Variants in CCDC170 observed in about 807,000 individuals in gnomAD.
The protein encoded by CCDC170 is coiled-coil domain-containing protein 170.
A neutral mutation model predicts 72.6 loss-of-function variants in CCDC170; 69 were observed. The observed-to-expected ratio is 0.95, with a 90% CI of 0.78 to 1.16. The LOEUF (loss-of-function observed/expected upper bound fraction) is 1.16. Ranked by LOEUF, CCDC170 falls within the 50% of genes most tolerant of loss-of-function variation. CCDC170 has a pLI of 0.00. For synonymous variants in CCDC170, 300 were observed against 303.9 expected (o/e 0.99, Z 0.13); for missense variants, 852 against 832.5 (o/e 1.02, Z -0.29).
chr6:151,532,856 A>G (rs1252219602), intron 1 of CCDC170, among the ~76,000 whole-genome samples: 1 of 152,118 alleles, frequency 6.6e-6, no homozygotes, highest in African/African-American at 2.4e-5. Flanking sequence ...CAGATACAAA[A>G]TATATTAATG....
intron 6 of CCDC170, among the ~76,000 whole-genome samples, chr6:151,583,063 G>C (rs902430423): frequency 7.4e-6 from 1 of 134,708 alleles, no homozygotes; most frequent in Non-Finnish European, 1.5e-5. Flanking sequence ...CGCAATCTCA[G>C]CTCACTGCAA....
At chr6:151,573,071 T>C in intron 5 of CCDC170, 103 bp from the exon 6 acceptor site, 1 of 1,025,732 alleles carries the variant, frequency 9.7e-7, no homozygotes, top group Non-Finnish European at 1.5e-6. Flanking sequence ...ACCCAACCCC[T>C]TGTAGTCATT....
At chr6:151,562,323 T>C (rs1273404643) in intron 5 of CCDC170, among the ~76,000 whole-genome samples, 1 of 152,216 alleles carries the variant, frequency 6.6e-6, no homozygotes, top group African/African-American at 2.4e-5. Context: ...TTGCACTGAG[T>C]CCTTCTCAGG....
In CCDC170 at chr6:151,494,065, C is replaced by T; in HGVS notation, c.-64C>T. 1.4e-6 allele frequency: 2 copies of T among 1,417,620 alleles called. No individual in the cohort carries two copies. Among genetic ancestry groups the T allele is most frequent in the Non-Finnish European group, 1.8e-6 (2 of 1,087,668 alleles). The allele number at this position is 1,417,620 out of a possible 1,614,324, so 87.8% of individuals were successfully genotyped here. On this transcript the variant is annotated 5_prime_UTR_variant, in exon 1 of 11. Coordinates refer to ENST00000239374, the MANE Select transcript of CCDC170 (RefSeq NM_025059.4). ...GAGACACCCGCGCCACCCGCCGGCT[C>T]CCGGCGCCGCCGCTTCCTCAGGGCC...
intron 3 of CCDC170, 132 bp downstream of exon 3, chr6:151,538,433 T>C: frequency 2.2e-6 from 2 of 889,974 alleles, no homozygotes; most frequent in Non-Finnish European, 3.4e-6. Flanking sequence ...AAAAAGTTAT[T>C]GACCTCAAAT....
Position 151,586,107 on chromosome 6 carries a change from T to C in CCDC170, c.1293+18T>C. ...AACAAAAAGTAATGACCCGAGGGCATGTCCATGAGTGGAAGCATCTGTTGT... is the reference window on the plus strand; with the variant it reads ...AACAAAAAGTAATGACCCGAGGGCACGTCCATGAGTGGAAGCATCTGTTGT... On this transcript the variant is annotated intron_variant, in intron 7 of 10. Transcript: ENST00000239374. 1 of 1,610,594 alleles carries C rather than the reference T, an allele frequency of 6.2e-7. No individual in the cohort carries two copies. Among genetic ancestry groups the C allele is most frequent in the South Asian group, 1.1e-5 (1 of 90,726 alleles).
At chr6:151,544,104 G>C (rs1198109982) in intron 3 of CCDC170, among the ~76,000 whole-genome samples, 2 of 152,108 alleles carry the variant, frequency 1.3e-5, no homozygotes. Context: ...GTTATGCCTG[G>C]CCATGAACCA....
At chr6:151,603,897 C>T (rs191851678) in intron 9 of CCDC170, among the ~76,000 whole-genome samples, 1 of 152,224 alleles carries the variant, frequency 6.6e-6, no homozygotes, top group African/African-American at 2.4e-5. Context: ...TAACTTAGTC[C>T]CTGGACCTCA....
intron 1 of CCDC170, among the ~76,000 whole-genome samples, chr6:151,520,055 C>A (rs1782295090): frequency 6.6e-6 from 1 of 152,228 alleles, no homozygotes; most frequent in Non-Finnish European, 1.5e-5. Context: ...GTCTCAGCCT[C>A]ATTTTACCCA....
At chr6:151,568,778 C>G (rs1259140194) in intron 5 of CCDC170, among the ~76,000 whole-genome samples, 2 of 152,166 alleles carry the variant, frequency 1.3e-5, no homozygotes, top group Non-Finnish European at 2.9e-5. Context: ...CATTTCATTT[C>G]AAGACTACAT....
At chr6:151,564,085 T>C (rs1002724582) in intron 5 of CCDC170, among the ~76,000 whole-genome samples, 1 of 152,262 alleles carries the variant, frequency 6.6e-6, no homozygotes, top group South Asian at 2.1e-4. Context: ...CTTTTGCACG[T>C]TTCTTGTGTC....
At chr6:151,573,660 G>C (rs1776262141) in intron 6 of CCDC170, among the ~76,000 whole-genome samples, 169 bp downstream of exon 6, 1 of 152,150 alleles carries the variant, frequency 6.6e-6, no homozygotes, top group South Asian at 2.1e-4. Context: ...ACATGGCTGG[G>C]GAGGCCTCAC....
rs138188239 is a variant in CCDC170, at chr6:151,572,843, G to T, written c.775-331G>T. On this transcript the variant is annotated intron_variant, in intron 5 of 10. Coordinates refer to ENST00000239374, the MANE Select transcript of CCDC170 (RefSeq NM_025059.4). ...TTTTGTATTTTTGTTTAGTAGAGGT[G>T]GGGTTTCACCATGTTGGCCAGGCTG... Among the ~76,000 whole-genome samples the T allele has an allele frequency of 2.3e-3, 354 of 151,514 alleles. 1 individual carries two copies. The highest frequency in any genetic ancestry group is 4.6e-3 in the Non-Finnish European group (315 of 67,828).
At chr6:151,609,626 C>T (rs1163885599) in intron 9 of CCDC170, among the ~76,000 whole-genome samples, 1 of 152,180 alleles carries the variant, frequency 6.6e-6, no homozygotes, top group East Asian at 1.9e-4. Flanking sequence ...CCAGTTCTGT[C>T]CCACTGGAAG....
chr6:151,502,585 T>C (rs1480960605), intron 1 of CCDC170, among the ~76,000 whole-genome samples: 3 of 152,258 alleles, frequency 2.0e-5, no homozygotes, highest in Non-Finnish European at 2.9e-5. Context: ...AAGTCTTTTC[T>C]ACTTCAGACT....
chr6:151,589,232 G>A (rs566688403), intron 7 of CCDC170, among the ~76,000 whole-genome samples: 1 of 150,912 alleles, frequency 6.6e-6, no homozygotes, highest in South Asian at 2.1e-4. Flanking sequence ...TCCAGCCTGG[G>A]TGACAGAGAC....
chr6:151,546,224 T>C (rs1388366017), intron 4 of CCDC170, among the ~76,000 whole-genome samples: 1 of 152,162 alleles, frequency 6.6e-6, no homozygotes, highest in Non-Finnish European at 1.5e-5. Context: ...GGACCATGGG[T>C]CCACCTGATG....
At chr6:151,583,619 A>G (rs796525012) in intron 6 of CCDC170, among the ~76,000 whole-genome samples, 3 of 151,998 alleles carry the variant, frequency 2.0e-5, no homozygotes, top group African/African-American at 7.2e-5. Context: ...CATCACGTCC[A>G]GCTAATTTTT....
At chr6:151,557,194 G>A (rs1429468119) in intron 5 of CCDC170, among the ~76,000 whole-genome samples, 1 of 151,954 alleles carries the variant, frequency 6.6e-6, no homozygotes, top group South Asian at 2.1e-4. Context: ...GGATCATGAC[G>A]TAAGGAGACC....
Sources: allele counts gnomAD v4.1 joint callset (sites outside exome capture counted in the v4.1 genomes callset), GRCh38; gene constraint gnomAD v4.1.1; transcripts MANE v1.5; gene names NCBI Gene and HGNC (gene_info 2026-07-23, HGNC 2026-07-21).